The following KRABD5 variants were observed in gnomAD, a reference collection of about 807,000 sequenced individuals.
KRABD5 encodes the protein KRAB domain-containing protein 5.
chr16:31,734,493 G>A, the KRABD5 span, among the ~76,000 whole-genome samples: 3 of 152,028 alleles, frequency 2.0e-5, no homozygotes, highest in African/African-American at 7.2e-5. Flanking sequence ...CTTAAGTGGT[G>A]CTCCTGCTTC....
At chr16:31,726,515 C>T in the KRABD5 span, among the ~76,000 whole-genome samples, 1 of 152,180 alleles carries the variant, frequency 6.6e-6, no homozygotes, top group Non-Finnish European at 1.5e-5. Flanking sequence ...AATCCCAGCA[C>T]TTTGGGAGAC....
At chr16:31,750,737 G>T in the KRABD5 span, among the ~76,000 whole-genome samples, 1 of 151,748 alleles carries the variant, frequency 6.6e-6, no homozygotes, top group Admixed American at 6.6e-5. Flanking sequence ...TATCATTAAG[G>T]GATATTAAGT....
the KRABD5 span, among the ~76,000 whole-genome samples, chr16:31,716,744 G>A: frequency 4.4e-3 from 664 of 152,220 alleles, 7 homozygotes; most frequent in African/African-American, 0.015. Context: ...TGAATCTAGC[G>A]CCTGCTGGAA....
At chr16:31,750,062 C>G in the KRABD5 span, among the ~76,000 whole-genome samples, 1 of 151,978 alleles carries the variant, frequency 6.6e-6, no homozygotes, top group Non-Finnish European at 1.5e-5. Context: ...TAGTTTTTTT[C>G]TAATTCTGTG....
the KRABD5 span, among the ~76,000 whole-genome samples, chr16:31,751,608 AT>A: frequency 6.6e-6 from 1 of 152,076 alleles, no homozygotes; most frequent in Non-Finnish European, 1.5e-5. Context: ...TGTGGGATCG[AT>A]TGCAATGTCC....
the KRABD5 span, among the ~76,000 whole-genome samples, chr16:31,728,145 G>A: frequency 1.3e-5 from 2 of 152,184 alleles, no homozygotes; most frequent in African/African-American, 4.8e-5. Flanking sequence ...ATGAGGAAGT[G>A]CACCCAGCCC....
the KRABD5 span, among the ~76,000 whole-genome samples, chr16:31,752,972 A>G: frequency 7.3e-5 from 11 of 151,670 alleles, no homozygotes; most frequent in Non-Finnish European, 1.3e-4. Flanking sequence ...CTTTAGATTC[A>G]CTTTCATTTT....
the KRABD5 span, among the ~76,000 whole-genome samples, chr16:31,716,997 G>GTTTTTTTTTTTTTTTTTTTTTTTTTTTT: frequency 1.2e-5 from 1 of 81,164 alleles, no homozygotes; most frequent in Non-Finnish European, 2.3e-5. Context: ...GTCAGTCTTT[G>GTTTTTTTTTTTTTTTTTTTTTTTTTTTT]TTTTTTTTTT....
At chr16:31,743,336 A>C in the KRABD5 span, among the ~76,000 whole-genome samples, 10 of 152,208 alleles carry the variant, frequency 6.6e-5, no homozygotes, top group African/African-American at 2.4e-4. Context: ...TGTTTTCTGC[A>C]TATGGCTAGT....
At chr16:31,745,243 T>A in the KRABD5 span, among the ~76,000 whole-genome samples, 1 of 152,246 alleles carries the variant, frequency 6.6e-6, no homozygotes, top group South Asian at 2.1e-4. Context: ...TCTAGCTTTC[T>A]GTTGTGGGCA....
the KRABD5 span, chr16:31,754,098 A>G: frequency 2.8e-6 from 2 of 720,106 alleles, no homozygotes; most frequent in Non-Finnish European, 5.0e-6. Context: ...TTTTAAAGGA[A>G]ATTTGGATAA....
At chr16:31,718,017 T>C in the KRABD5 span, among the ~76,000 whole-genome samples, 1 of 152,176 alleles carries the variant, frequency 6.6e-6, no homozygotes, top group Non-Finnish European at 1.5e-5. Flanking sequence ...CTGAAACCGA[T>C]TCAGAGACCA....
the KRABD5 span, among the ~76,000 whole-genome samples, chr16:31,724,653 C>A: frequency 6.7e-6 from 1 of 149,488 alleles, no homozygotes. Flanking sequence ...GATCGCGCCA[C>A]TGCACTCCAG....
chr16:31,728,578 A>G, the KRABD5 span, among the ~76,000 whole-genome samples: 1 of 151,668 alleles, frequency 6.6e-6, no homozygotes. Context: ...GTTGTTTAAT[A>G]TTTACGTATT....
At chr16:31,737,946 A>G in the KRABD5 span, among the ~76,000 whole-genome samples, 2 of 152,168 alleles carry the variant, frequency 1.3e-5, no homozygotes, top group African/African-American at 4.8e-5. Context: ...ATTGTCTTCA[A>G]AATCTTGAAC....
At chr16:31,755,082 C>G in the KRABD5 span, 1 of 482,698 alleles carries the variant, frequency 2.1e-6, no homozygotes, top group Non-Finnish European at 4.2e-6. Flanking sequence ...TTTAAAGTGT[C>G]TTCAGCCCTT....
the KRABD5 span, among the ~76,000 whole-genome samples, chr16:31,736,585 T>G: frequency 6.6e-6 from 1 of 151,668 alleles, no homozygotes; most frequent in Non-Finnish European, 1.5e-5. Context: ...TGGCGCGATT[T>G]TGGCTTACTG....
the KRABD5 span, among the ~76,000 whole-genome samples, chr16:31,729,462 T>TG: frequency 6.6e-6 from 1 of 152,168 alleles, no homozygotes; most frequent in African/African-American, 2.4e-5. Flanking sequence ...AACGCACACT[T>TG]GTGATAATTA....
chr16:31,713,372 G>C, the KRABD5 span: 4 of 1,587,280 alleles, frequency 2.5e-6, no homozygotes, highest in East Asian at 9.1e-5. Flanking sequence ...CTGTTACTCT[G>C]TGACCGGCAG....
Sources: gnomAD v4.1 joint callset for allele counts (sites outside exome capture counted in the v4.1 genomes callset) on GRCh38, gnomAD v4.1.1 for gene constraint, MANE v1.5 for transcripts, NCBI Gene and HGNC (gene_info 2026-07-23, HGNC 2026-07-21) for gene names.